Variants in SLCO6A1 observed in about 807,000 individuals in gnomAD.
SLCO6A1 encodes solute carrier organic anion transporter family member 6A1.
Under a neutral mutation model 72.7 loss-of-function variants are expected in SLCO6A1, and 65 were observed. The ratio of observed to expected loss-of-function variants is 0.89; its 90% CI spans 0.73 to 1.10. The LOEUF (loss-of-function observed/expected upper bound fraction) is 1.10. Among genes scored for constraint, SLCO6A1 ranks in the 50% least tolerant of loss-of-function variants. SLCO6A1 has a pLI of 0.00. For synonymous variants in SLCO6A1, 314 were observed against 298.2 expected (o/e 1.05, Z -0.55); for missense variants, 874 against 872.6 (o/e 1.00, Z -0.02).
Position 102,408,344 on chromosome 5 carries a change from T to C in SLCO6A1, c.1626+4646A>G, listed in dbSNP as rs181863604. 2.7e-3 allele frequency among the ~76,000 whole-genome samples: 317 copies of C among 118,198 alleles called. 3 individuals carry two copies. The highest frequency in any genetic ancestry group is 9.6e-3 in the African/African-American group (301 of 31,196). The allele number at this position is 118,198 out of a possible 152,430, so 77.5% of individuals were successfully genotyped here. A position where few individuals can be genotyped will look rare whatever the true frequency, so the allele number is the denominator to read the frequency against. ...GGATGCAGGGGCTACTGTAATTTAT[T>C]ATGTAGCAATAATAAACTAATAGTT... is the stretch of plus-strand genomic sequence containing the variant. On this transcript the variant is annotated intron_variant, in intron 9 of 13. Transcript: ENST00000506729.
chr5:102,432,719 T>G (rs1749288060), intron 7 of SLCO6A1, among the ~76,000 whole-genome samples: 4 of 152,268 alleles, frequency 2.6e-5, no homozygotes, highest in Admixed American at 1.3e-4. Flanking sequence ...TTTTTTCATT[T>G]TGAAGTTGGA....
At chr5:102,388,662 TAA>T (rs907546209) in intron 12 of SLCO6A1, 24 bp downstream of exon 12, 1 of 1,431,616 alleles carries the variant, frequency 7.0e-7, no homozygotes. Flanking sequence ...TTTATTTCTC[TAA>T]GTTTTTTAAT....
At chr5:102,389,446 C>CA (rs1243453745) in intron 11 of SLCO6A1, among the ~76,000 whole-genome samples, 6 of 43,922 alleles carry the variant, frequency 1.4e-4, no homozygotes, top group African/African-American at 5.0e-4. Flanking sequence ...ACACACCCCG[C>CA]CCCCCACCCC....
At chr5:102,457,225 T>C (rs1211314781) in intron 6 of SLCO6A1, among the ~76,000 whole-genome samples, 3 of 152,092 alleles carry the variant, frequency 2.0e-5, no homozygotes, top group East Asian at 1.9e-4. Flanking sequence ...CGAAAAGCAA[T>C]GGCAACAAAA....
intron 4 of SLCO6A1, among the ~76,000 whole-genome samples, chr5:102,474,811 CT>C (rs1346531682): frequency 1.3e-5 from 2 of 152,078 alleles, no homozygotes; most frequent in African/African-American, 4.8e-5. Flanking sequence ...TGAAAAGATA[CT>C]CAACACTACT....
At chr5:102,454,803 G>A (rs1750613792) in intron 6 of SLCO6A1, among the ~76,000 whole-genome samples, 1 of 151,146 alleles carries the variant, frequency 6.6e-6, no homozygotes, top group Non-Finnish European at 1.5e-5. Flanking sequence ...ATTGGCTTCT[G>A]TATAGTTAAA....
intron 1 of SLCO6A1, among the ~76,000 whole-genome samples, chr5:102,497,462 T>A (rs1238155880): frequency 6.6e-6 from 1 of 152,094 alleles, no homozygotes; most frequent in Non-Finnish European, 1.5e-5. Context: ...CTCAACAATA[T>A]CCTCTCTGCA....
At position 102,460,899 on chromosome 5, in the gene SLCO6A1, C is replaced by CAT. The variant is rs60973292; in HGVS notation, c.900-1124_900-1123dup. Among the ~76,000 whole-genome samples the CAT allele has an allele frequency of 2.4e-3, 305 of 129,432 alleles. 2 individuals are homozygous for CAT. The highest frequency in any genetic ancestry group is 3.6e-3 in the South Asian group (14 of 3,878). 84.9% of individuals were successfully genotyped at this position (129,432 alleles called of 152,430 possible). On this transcript the variant is annotated intron_variant, in intron 4 of 13. Transcript: ENST00000506729. ...CTTGATTGTCATTACCCACTTATCT[C>CAT]ATATATATATATATATATATATATA...
intron 6 of SLCO6A1, among the ~76,000 whole-genome samples, chr5:102,441,568 C>T (rs76975936): frequency 0.058 from 8,875 of 151,960 alleles, 851 homozygotes; most frequent in African/African-American, 0.2. Context: ...ATCAGTTTCT[C>T]ATTTTCTAAA....
chr5:102,489,952 A>T (rs1195231934), intron 1 of SLCO6A1, among the ~76,000 whole-genome samples: 1 of 152,254 alleles, frequency 6.6e-6, no homozygotes, highest in Non-Finnish European at 1.5e-5. Flanking sequence ...TACAGCATGG[A>T]TAAAGAACAT....
At chr5:102,391,156 A>G (rs1746736695) in intron 10 of SLCO6A1, 111 bp from the exon 11 acceptor site, 2 of 973,594 alleles carry the variant, frequency 2.1e-6, no homozygotes, top group Non-Finnish European at 3.2e-6. Context: ...AATTGTACTA[A>G]GAATCTTTAG....
chr5:102,381,621 T>C (rs980995569), intron 12 of SLCO6A1, among the ~76,000 whole-genome samples: 3 of 151,840 alleles, frequency 2.0e-5, no homozygotes, highest in Non-Finnish European at 4.4e-5. Context: ...CATGTGGTAG[T>C]TCTATTTCTA....
chr5:102,454,654 T>G (rs1750605026), intron 6 of SLCO6A1, among the ~76,000 whole-genome samples: 2 of 151,872 alleles, frequency 1.3e-5, no homozygotes, highest in South Asian at 4.1e-4. Flanking sequence ...GAATTGGAAT[T>G]GGCTTGCTTT....
chr5:102,478,406 T>G (rs1473331287), intron 2 of SLCO6A1, among the ~76,000 whole-genome samples: 1 of 152,238 alleles, frequency 6.6e-6, no homozygotes, highest in Non-Finnish European at 1.5e-5. Flanking sequence ...AAGAGTACTT[T>G]CTGAGTTTAG....
intron 6 of SLCO6A1, among the ~76,000 whole-genome samples, chr5:102,455,568 T>C (rs772523363): frequency 6.6e-6 from 1 of 152,164 alleles, no homozygotes; most frequent in Non-Finnish European, 1.5e-5. Flanking sequence ...CAAAACATGA[T>C]GCTTGTGGGA....
chr5:102,478,640 G>T (rs564818212), intron 2 of SLCO6A1, among the ~76,000 whole-genome samples: 1 of 152,094 alleles, frequency 6.6e-6, no homozygotes, highest in South Asian at 2.1e-4. Flanking sequence ...TATTCACATG[G>T]TTATATAACA....
intron 12 of SLCO6A1, among the ~76,000 whole-genome samples, chr5:102,387,263 C>T (rs1746467532): frequency 1.3e-5 from 2 of 152,102 alleles, no homozygotes; most frequent in African/African-American, 4.8e-5. Flanking sequence ...CACTAAATTG[C>T]CACACATGCA....
intron 8 of SLCO6A1, 28 bp downstream of exon 8, chr5:102,419,798 A>C (rs1485756017): frequency 6.5e-7 from 1 of 1,531,974 alleles, no homozygotes; most frequent in African/African-American, 1.4e-5. Flanking sequence ...TTTTGATGTA[A>C]AAGTCTAATA....
At chr5:102,372,947 T>C (rs1405254086) in intron 13 of SLCO6A1, among the ~76,000 whole-genome samples, 1 of 151,858 alleles carries the variant, frequency 6.6e-6, no homozygotes, top group South Asian at 2.1e-4. Flanking sequence ...GCAAATATAC[T>C]TTTATTTAGA....
Sources: gnomAD v4.1 joint callset for allele counts (sites outside exome capture counted in the v4.1 genomes callset) on GRCh38, gnomAD v4.1.1 for gene constraint, MANE v1.5 for transcripts, NCBI Gene and HGNC (gene_info 2026-07-23, HGNC 2026-07-21) for gene names.